Variants in SPIDR observed in about 807,000 individuals in gnomAD.
The protein encoded by SPIDR is DNA repair-scaffolding protein.
In SPIDR, 93 loss-of-function variants were observed where a neutral mutation model predicts 104.6. That is an observed-to-expected ratio of 0.89 (90% CI 0.75 to 1.06). The LOEUF is 1.06. Ranked by LOEUF, SPIDR falls within the 50% of genes least tolerant of loss-of-function variation. The pLI is 0.00. For missense variants in SPIDR, 1,154 were observed against 1,111.2 expected (o/e 1.04, Z -0.55); for synonymous variants, 431 against 416.9 (o/e 1.03, Z -0.41).
At chr8:47,461,144 T>C (rs994254035) in intron 8 of SPIDR, among the ~76,000 whole-genome samples, 6 of 152,232 alleles carry the variant, frequency 3.9e-5, no homozygotes, top group Admixed American at 3.9e-4. Context: ...CAATGATCTT[T>C]TGTGATGAAT....
At chr8:47,340,297 C>T (rs2050498913) in intron 5 of SPIDR, among the ~76,000 whole-genome samples, 1 of 152,052 alleles carries the variant, frequency 6.6e-6, no homozygotes, top group African/African-American at 2.4e-5. Flanking sequence ...CTGGCTTTTT[C>T]TCAACACGTA....
chr8:47,434,706 A>G (rs1210207412), intron 7 of SPIDR, among the ~76,000 whole-genome samples: 1 of 152,026 alleles, frequency 6.6e-6, no homozygotes, highest in African/African-American at 2.4e-5. Context: ...CTCCCCTCAT[A>G]CTAACTTGCT....
chr8:47,469,099 C>T (rs531244425), intron 8 of SPIDR, among the ~76,000 whole-genome samples: 1 of 152,232 alleles, frequency 6.6e-6, no homozygotes, highest in South Asian at 2.1e-4. Context: ...AAAAGCTGAA[C>T]ATCACTTATC....
At chr8:47,504,956 G>C in intron 8 of SPIDR, among the ~76,000 whole-genome samples, 1 of 152,202 alleles carries the variant, frequency 6.6e-6, no homozygotes, top group East Asian at 1.9e-4. Flanking sequence ...TGATATTGGT[G>C]AACAGCAAAT....
rs2077258599 is a variant in SPIDR, at chr8:47,682,709, A to G, written c.1685+8768A>G. 7.2e-5 allele frequency among the ~76,000 whole-genome samples: 11 copies of G among 152,346 alleles called. 1 individual carries two copies. The South Asian group carries it at 2.3e-3, about 32-fold the overall frequency. ...CAATGGAACTTCTGGGCATAATTCC[A>G]CATTTATCAAAAAGGTATAACATAA... is the stretch of plus-strand genomic sequence containing the variant. On this transcript the variant is annotated intron_variant, in intron 11 of 19. Coordinates refer to ENST00000297423, the MANE Select transcript of SPIDR (RefSeq NM_001080394.4).
chr8:47,275,033 G>C (rs2036110567), intron 1 of SPIDR, among the ~76,000 whole-genome samples: 1 of 151,580 alleles, frequency 6.6e-6, no homozygotes, highest in East Asian at 2.0e-4. Flanking sequence ...GCCGAGGCGG[G>C]TGGATCACGA....
In SPIDR at chr8:47,300,711, C is replaced by T. The variant is rs1554576669; in HGVS notation, c.525+6681C>T. Reference sequence around the variant, plus strand: ...TGCCTTCATTTCGTTATGTACCCAGCAGTCATTCAGGAGCAGATTGTCCAG... The same window carrying T: ...TGCCTTCATTTCGTTATGTACCCAGTAGTCATTCAGGAGCAGATTGTCCAG... On this transcript the variant is annotated intron_variant, in intron 5 of 19. Coordinates refer to ENST00000297423, the MANE Select transcript of SPIDR (RefSeq NM_001080394.4). 3.9e-5 allele frequency among the ~76,000 whole-genome samples: 6 copies of T among 152,268 alleles called. No homozygotes were observed. In the South Asian group the frequency reaches 1.2e-3, roughly 32 times the overall value.
intron 11 of SPIDR, among the ~76,000 whole-genome samples, chr8:47,685,620 T>A (rs1019483541): frequency 2.6e-5 from 4 of 151,388 alleles, no homozygotes; most frequent in Non-Finnish European, 4.4e-5. Flanking sequence ...TTTTTTTTAA[T>A]CTCTGCTCAC....
intron 5 of SPIDR, among the ~76,000 whole-genome samples, chr8:47,322,230 G>T (rs868991368): frequency 1.3e-5 from 2 of 152,106 alleles, no homozygotes; most frequent in African/African-American, 2.4e-5. Context: ...TCTACAATGA[G>T]CTCCAACAAA....
At chr8:47,613,902 G>A (rs573434379) in intron 10 of SPIDR, among the ~76,000 whole-genome samples, 18 of 152,232 alleles carry the variant, frequency 1.2e-4, no homozygotes, top group Admixed American at 7.9e-4. Flanking sequence ...TGTGCAGGAT[G>A]TGCAGCTTTG....
intron 5 of SPIDR, among the ~76,000 whole-genome samples, chr8:47,315,117 T>C (rs782085666): frequency 2.0e-5 from 3 of 152,160 alleles, no homozygotes; most frequent in East Asian, 3.8e-4. Flanking sequence ...TCTACAGTCA[T>C]AGGTGGAAAT....
At chr8:47,513,753 A>G (rs893433508) in intron 8 of SPIDR, among the ~76,000 whole-genome samples, 2 of 152,204 alleles carry the variant, frequency 1.3e-5, no homozygotes, top group Admixed American at 6.5e-5. Context: ...ATTTTTAGAT[A>G]TAAGGGTGAG....
chr8:47,715,925 A>C (rs951654256), intron 16 of SPIDR, among the ~76,000 whole-genome samples: 1 of 151,624 alleles, frequency 6.6e-6, no homozygotes, highest in Non-Finnish European at 1.5e-5. Flanking sequence ...AGTGTTTTCC[A>C]AAGTGGCTAC....
intron 5 of SPIDR, among the ~76,000 whole-genome samples, chr8:47,333,049 G>C (rs1398883183): frequency 6.6e-6 from 1 of 151,998 alleles, no homozygotes; most frequent in African/African-American, 2.4e-5. Flanking sequence ...CATTGCTTTT[G>C]TTAAAAACTA....
intron 10 of SPIDR, among the ~76,000 whole-genome samples, chr8:47,623,170 A>G (rs527670671): frequency 1.3e-5 from 2 of 152,332 alleles, no homozygotes; most frequent in Admixed American, 6.5e-5. Flanking sequence ...ATGATTTACC[A>G]CAGACAAGCA....
intron 8 of SPIDR, among the ~76,000 whole-genome samples, chr8:47,543,659 A>AGGTC (rs1216088801): frequency 6.6e-6 from 1 of 152,228 alleles, no homozygotes; most frequent in Non-Finnish European, 1.5e-5. Flanking sequence ...GCCTCTTCAT[A>AGGTC]GGTCACATGT....
At chr8:47,331,544 C>G (rs1342139029) in intron 5 of SPIDR, among the ~76,000 whole-genome samples, 4 of 152,114 alleles carry the variant, frequency 2.6e-5, no homozygotes, top group Non-Finnish European at 5.9e-5. Context: ...GTATAGGGCA[C>G]TTACCATGAA....
intron 8 of SPIDR, among the ~76,000 whole-genome samples, chr8:47,540,779 G>A (rs1163230972): frequency 1.3e-5 from 2 of 152,144 alleles, no homozygotes; most frequent in Admixed American, 1.3e-4. Flanking sequence ...CTGGGACATA[G>A]TAGGTATTCA....
chr8:47,679,465 C>A (rs577797114), intron 11 of SPIDR, among the ~76,000 whole-genome samples: 11 of 150,934 alleles, frequency 7.3e-5, no homozygotes, highest in African/African-American at 2.4e-4. Flanking sequence ...TGCCCCCATC[C>A]GCTCCTGTGC....
Sources: allele counts gnomAD v4.1 joint callset (sites outside exome capture counted in the v4.1 genomes callset), GRCh38; gene constraint gnomAD v4.1.1; transcripts MANE v1.5; gene names NCBI Gene and HGNC (gene_info 2026-07-23, HGNC 2026-07-21).